Variants in MACROH2A2 observed in about 807,000 individuals in gnomAD.
MACROH2A2 encodes the protein macroH2A.2 histone.
A neutral mutation model predicts 37.6 loss-of-function variants in MACROH2A2; 6 were observed. That is an observed-to-expected ratio of 0.16 (90% CI 0.09 to 0.32). The LOEUF (loss-of-function observed/expected upper bound fraction) is 0.32. Ranked by LOEUF, MACROH2A2 falls within the 10% of genes least tolerant of loss-of-function variation. The probability of loss-of-function intolerance (pLI) is 1.00; values close to 1 mark genes in which losing one functional copy is unlikely to be tolerated. For synonymous variants in MACROH2A2, 192 were observed against 202.7 expected (o/e 0.95, Z 0.45); for missense variants, 290 against 485.9 (o/e 0.60, Z 3.79).
At chr10:70,065,313 G>A (rs2072073215) in intron 1 of MACROH2A2, among the ~76,000 whole-genome samples, 3 of 152,130 alleles carry the variant, frequency 2.0e-5, no homozygotes. Context: ...CTGACCTTAA[G>A]TGATCTGCCC....
At chr10:70,071,750 G>C (rs1389845764) in intron 1 of MACROH2A2, among the ~76,000 whole-genome samples, 1 of 152,030 alleles carries the variant, frequency 6.6e-6, no homozygotes. Flanking sequence ...AGGCAATGGT[G>C]ATGGTAAGTT....
At chr10:70,081,950 A>G (rs1289872277) in intron 2 of MACROH2A2, among the ~76,000 whole-genome samples, 1 of 152,148 alleles carries the variant, frequency 6.6e-6, no homozygotes, top group East Asian at 1.9e-4. Context: ...ATATCTATGT[A>G]CCCCATACAT....
intron 2 of MACROH2A2, among the ~76,000 whole-genome samples, chr10:70,079,557 GCGCGCGCGCA>G (rs1427625206): frequency 1.2e-4 from 13 of 108,692 alleles, no homozygotes; most frequent in African/African-American, 4.8e-4. Context: ...GGGTTCGCGC[GCGCGCGCGCA>G]CACACACACA....
chr10:70,095,454 T>G (rs2072269851), intron 5 of MACROH2A2, among the ~76,000 whole-genome samples, 200 bp from the exon 6 acceptor site: 1 of 149,042 alleles, frequency 6.7e-6, no homozygotes, highest in African/African-American at 2.5e-5. Context: ...AGCCCCAGAG[T>G]GGAAAGCAAA....
At chr10:70,081,887 G>A (rs370502692) in intron 2 of MACROH2A2, among the ~76,000 whole-genome samples, 2 of 152,094 alleles carry the variant, frequency 1.3e-5, no homozygotes, top group East Asian at 1.9e-4. Context: ...TGCTTGAGAA[G>A]GAAACCCCAT....
chr10:70,056,372 C>T (rs2072016869), intron 1 of MACROH2A2, among the ~76,000 whole-genome samples: 1 of 152,178 alleles, frequency 6.6e-6, no homozygotes, highest in East Asian at 1.9e-4. Flanking sequence ...CTCAGCCTCC[C>T]TAGTAGCTGG....
intron 1 of MACROH2A2, among the ~76,000 whole-genome samples, chr10:70,055,170 A>T (rs146039294): frequency 3.0e-4 from 46 of 152,340 alleles, no homozygotes; most frequent in Middle Eastern, 3.4e-3. Context: ...CTGCCAGCAG[A>T]ACAGGAGGTG....
At chr10:70,100,617 C>CTTTTTT (rs34180859) in intron 7 of MACROH2A2, among the ~76,000 whole-genome samples, 1 of 138,002 alleles carries the variant, frequency 7.2e-6, no homozygotes, top group Non-Finnish European at 1.5e-5. Context: ...ATGTTTTGTT[C>CTTTTTT]TTTTTTTTTT....
intron 1 of MACROH2A2, among the ~76,000 whole-genome samples, chr10:70,064,808 G>C (rs80259147): frequency 8.0e-4 from 121 of 151,858 alleles, no homozygotes; most frequent in African/African-American, 2.7e-3. Context: ...AACTCTTTTT[G>C]TTCCCAGTTT....
chr10:70,089,517 T>G (rs1336565960), intron 2 of MACROH2A2, among the ~76,000 whole-genome samples: 4 of 152,136 alleles, frequency 2.6e-5, no homozygotes, highest in Admixed American at 2.6e-4. Context: ...ACACAATGGC[T>G]TGCCTTCTTT....
chr10:70,077,213 TA>T (rs1362247380), intron 2 of MACROH2A2, among the ~76,000 whole-genome samples: 1 of 152,152 alleles, frequency 6.6e-6, no homozygotes, highest in South Asian at 2.1e-4. Context: ...ACATGTTGAA[TA>T]GCAAGATTGT....
chr10:70,089,079 G>T (rs1157147373), intron 2 of MACROH2A2, among the ~76,000 whole-genome samples: 3 of 152,146 alleles, frequency 2.0e-5, no homozygotes, highest in African/African-American at 4.8e-5. Context: ...ACTCCAGCCT[G>T]GGCAACAGAA....
intron 7 of MACROH2A2, among the ~76,000 whole-genome samples, chr10:70,102,758 G>A (rs1255146403): frequency 6.6e-6 from 1 of 151,856 alleles, no homozygotes; most frequent in Admixed American, 6.6e-5. Context: ...AGTAATGGGG[G>A]CTTCTAGTCC....
At chr10:70,072,738 C>T (rs866183512) in intron 1 of MACROH2A2, among the ~76,000 whole-genome samples, 3 of 152,052 alleles carry the variant, frequency 2.0e-5, no homozygotes, top group Middle Eastern at 3.2e-3. Flanking sequence ...AGATGGATCA[C>T]TTGAGGTCAG....
intron 2 of MACROH2A2, among the ~76,000 whole-genome samples, chr10:70,081,020 C>T (rs12257940): frequency 2.2e-5 from 3 of 138,876 alleles, no homozygotes; most frequent in Admixed American, 7.7e-5. Flanking sequence ...AGCTATGATT[C>T]TACCACTGCA....
chr10:70,108,012 A>G (rs1443259460), intron 7 of MACROH2A2, among the ~76,000 whole-genome samples: 1 of 152,140 alleles, frequency 6.6e-6, no homozygotes, highest in Non-Finnish European at 1.5e-5. Context: ...TGAGCCCTGG[A>G]GTTCAAGACC....
intron 2 of MACROH2A2, among the ~76,000 whole-genome samples, chr10:70,088,279 G>C (rs183123858): frequency 2.7e-4 from 41 of 151,746 alleles, no homozygotes; most frequent in African/African-American, 9.2e-4. Flanking sequence ...GTACATTCAC[G>C]CACACGCACA....
intron 7 of MACROH2A2, among the ~76,000 whole-genome samples, chr10:70,106,469 A>G (rs1407399382): frequency 6.6e-6 from 1 of 152,144 alleles, no homozygotes; most frequent in Non-Finnish European, 1.5e-5. Flanking sequence ...TTTTTACTTG[A>G]TTGGATGTTT....
At chr10:70,056,613 G>GGGA (rs1241193622) in intron 1 of MACROH2A2, among the ~76,000 whole-genome samples, 1 of 152,210 alleles carries the variant, frequency 6.6e-6, no homozygotes, top group Non-Finnish European at 1.5e-5. Context: ...TGGACTTGAA[G>GGGA]GGAGGGTGTT....
Sources: allele counts gnomAD v4.1 joint callset (sites outside exome capture counted in the v4.1 genomes callset), GRCh38; gene constraint gnomAD v4.1.1; transcripts MANE v1.5; gene names NCBI Gene and HGNC (gene_info 2026-07-23, HGNC 2026-07-21).